ZNF749: variants seen among roughly 807,000 people sequenced by gnomAD.
ZNF749 encodes zinc finger protein 749.
A neutral mutation model predicts 7.3 loss-of-function variants in ZNF749; 8 were observed. The ratio of observed to expected loss-of-function variants is 1.10; its 90% CI spans 0.64 to 1.98. ZNF749 has a LOEUF of 1.98. ZNF749 is among the 30% of genes most tolerant of loss of function. The pLI is 0.00. For synonymous variants in ZNF749, 310 were observed against 322.4 expected (o/e 0.96, Z 0.41); for missense variants, 898 against 932.4 (o/e 0.96, Z 0.48).
chr19:57,444,419 ATGT>A lies in ZNF749; in HGVS notation c.1276_1278del (p.Val426del), dbSNP rs767101501. 1 of 1,614,030 alleles carries A rather than the reference ATGT, an allele frequency of 6.2e-7. No individual in the cohort carries two copies. The highest frequency in any genetic ancestry group is 2.2e-5 in the East Asian group (1 of 44,870). On this transcript the variant is annotated inframe_deletion, in exon 3 of 3. Coordinates refer to ENST00000334181, the MANE Select transcript of ZNF749 (RefSeq NM_001023561.4). ...GGGAAAGCCTTTAGCCTCAAACATA[ATGT>A]TGTTCAGCATCTGAAAATTCATACT... is the stretch of plus-strand genomic sequence containing the variant.
intron 1 of ZNF749, 22 bp downstream of exon 1, chr19:57,435,615 G>A (rs1226198430): frequency 1.2e-6 from 2 of 1,600,056 alleles, no homozygotes; most frequent in South Asian, 1.1e-5. Context: ...GTCCCAGGCC[G>A]CCCCGCCCAA....
chr19:57,435,712 T>G, intron 1 of ZNF749, 119 bp downstream of exon 1: 1 of 1,480,758 alleles, frequency 6.8e-7, no homozygotes, highest in Non-Finnish European at 9.0e-7. Context: ...TTGTGTGGGG[T>G]GCCCGGGACT....
Position 57,444,568 on chromosome 19 carries a change from A to T in ZNF749, c.1420A>T (p.Lys474Ter), listed in dbSNP as rs201674152. ...AAAAAGGTCTGACCTCATTCAACAC[A>T]AGAGGATTGACATTAGGCCAAGGCC... ...FSKRSDLIQHKRIDIRPRPYT... is the reference protein window; with the variant it reads ...FSKRSDLIQH The change falls in exon 3 of 3, where the codon AAG (lysine) becomes TAG (stop). Residue 474 changes from lysine to a stop codon, truncating the protein, a stop_gained. Coordinates refer to ENST00000334181, the MANE Select transcript of ZNF749 (RefSeq NM_001023561.4). LOFTEE classifies it low-confidence loss of function (END_TRUNC). 1 of 1,613,344 alleles carries T rather than the reference A, an allele frequency of 6.2e-7. No homozygotes were observed. Among genetic ancestry groups the T allele is most frequent in the Non-Finnish European group, 8.5e-7 (1 of 1,179,844 alleles).
Position 57,441,902 on chromosome 19 carries a change from G to T in ZNF749, c.33G>T (p.Glu11Asp). ...TTTGGCAGGATTGTATGGTCTTTGA[G>T]GATGTGGCCATATATTTCTCCCAAG... MNLTEDCMVFEDVAIYFSQEE... is the reference protein window; with the variant it reads MNLTEDCMVFDDVAIYFSQEE... The change falls in exon 2 of 3, where the codon GAG (glutamate) becomes GAT (aspartate). Residue 11 changes from glutamate (E) to aspartate (D), a missense_variant. By Grantham distance (45) the Glu-to-Asp change is conservative. Coordinates refer to ENST00000334181, the MANE Select transcript of ZNF749 (RefSeq NM_001023561.4). 1 of 1,614,168 alleles carries T rather than the reference G, an allele frequency of 6.2e-7. No individual in the cohort carries two copies. The highest frequency in any genetic ancestry group is 2.2e-5 in the East Asian group (1 of 44,886).
At chr19:57,430,830 A>G (rs972329205), upstream of ZNF749, among the ~76,000 whole-genome samples, 2 of 152,110 alleles carry the variant, frequency 1.3e-5, no homozygotes, top group Non-Finnish European at 2.9e-5. Flanking sequence ...TCACGAGGTC[A>G]GGAGATTGAG....
At chr19:57,435,080 C>T (rs1311367562), upstream of ZNF749, among the ~76,000 whole-genome samples, 1 of 152,182 alleles carries the variant, frequency 6.6e-6, no homozygotes, top group Non-Finnish European at 1.5e-5. Flanking sequence ...TTAAGAGCCC[C>T]GGAACTGCAT....
At position 57,439,174 on chromosome 19, in the gene ZNF749, C is replaced by T. The variant is rs921535959; in HGVS notation, c.16-2711C>T. ...GCAGGTGAGGGTGGAGCCACCGATACCTGGGTGATGGGTCCAGCAACAGCC... is the reference window on the plus strand; with the variant it reads ...GCAGGTGAGGGTGGAGCCACCGATATCTGGGTGATGGGTCCAGCAACAGCC... On this transcript the variant is annotated intron_variant, in intron 1 of 2. Transcript: ENST00000334181. The surrounding 1 kb of genome is among the most constrained non-coding windows in gnomAD (Gnocchi z 4.3). Among the ~76,000 whole-genome samples the T allele has an allele frequency of 9.9e-5, 15 of 152,216 alleles. No homozygotes were observed. The highest frequency in any genetic ancestry group is 2.1e-4 in the Non-Finnish European group (14 of 68,024).
In ZNF749 at chr19:57,445,548, G is replaced by A. The variant is rs935817771; in HGVS notation, c.*63G>A. On this transcript the variant is annotated 3_prime_UTR_variant, in exon 3 of 3. Transcript: ENST00000334181. ...CATTCAGCACCAAAAGGTTCACATC[G>A]GACCAAGAACCTATTAATATATGTA... The A allele has an allele frequency of 2.3e-5, 35 of 1,533,254 alleles. No homozygotes were observed. The highest frequency in any genetic ancestry group is 5.6e-5 in the African/African-American group (4 of 72,022). 95.0% of individuals were successfully genotyped at this position (1,533,254 alleles called of 1,614,324 possible).
Position 57,444,743 on chromosome 19 carries a change from T to A in ZNF749, c.1595T>A (p.Ile532Asn), listed in dbSNP as rs755211981. 1.1e-5 allele frequency: 18 copies of A among 1,613,142 alleles called. No individual in the cohort carries two copies. The highest frequency in any genetic ancestry group is 1.5e-5 in the Non-Finnish European group (18 of 1,179,800). ...TCCCACCTAGTTCAGCATGAGAAAATCCACACTGATGCATTTTCAAAAAGG... is the reference window on the plus strand; with the variant it reads ...TCCCACCTAGTTCAGCATGAGAAAAACCACACTGATGCATTTTCAAAAAGG... ...RKSHLVQHEK[I>N]HTDAFSKRSD... is the part of the protein sequence containing the mutation. The change falls in exon 3 of 3, where the codon ATC (isoleucine) becomes AAC (asparagine). Residue 532 changes from isoleucine (I) to asparagine (N), a missense_variant. Ile to Asn is a moderately radical substitution (Grantham distance 149, BLOSUM62 -3). Coordinates refer to ENST00000334181, the MANE Select transcript of ZNF749 (RefSeq NM_001023561.4).
At chr19:57,435,658 C>G in intron 1 of ZNF749, 65 bp downstream of exon 1, 1 of 1,572,302 alleles carries the variant, frequency 6.4e-7, no homozygotes, top group South Asian at 1.2e-5. Flanking sequence ...CCCAAGGAGC[C>G]GCCCTGCAGG....
At position 57,445,311 on chromosome 19, in the gene ZNF749, A is replaced by C; in HGVS notation, c.2163A>C (p.Glu721Asp). Reference protein sequence around the residue: ...LIIHQQSHTGESPFKLRECGK... With the variant: ...LIIHQQSHTGDSPFKLRECGK... Reference sequence around the variant, plus strand: ...TACATCAGCAGTCTCACACTGGAGAAAGTCCTTTTAAGTTAAGGGAATGTG... The same window carrying C: ...TACATCAGCAGTCTCACACTGGAGACAGTCCTTTTAAGTTAAGGGAATGTG... The change falls in exon 3 of 3, where the codon GAA becomes GAC. Residue 721 changes from glutamate to aspartate, a missense_variant. Physicochemically the swap from Glu to Asp is conservative, Grantham distance 45. Coordinates refer to ENST00000334181, the MANE Select transcript of ZNF749 (RefSeq NM_001023561.4). The C allele has an allele frequency of 6.2e-7, 1 of 1,613,952 alleles. No individual in the cohort carries two copies.
chr19:57,429,437 AATTGCTGGATCAC>A, the ZNF749 span, among the ~76,000 whole-genome samples: 1 of 152,098 alleles, frequency 6.6e-6, no homozygotes, highest in Non-Finnish European at 1.5e-5. This position sits in a 1 kb window ranked among gnomAD's most constrained non-coding sequence, Gnocchi z 4.2. Flanking sequence ...CCAGAAGTAA[AATTGCTGGATCAC>A]ATATAATTCT....
At position 57,437,831 on chromosome 19, in the gene ZNF749, A is replaced by G. The variant is rs937345551; in HGVS notation, c.15+2238A>G. The G allele has an allele frequency of 1.3e-5, 5 of 377,406 alleles. No homozygotes were observed. In the South Asian group the frequency reaches 5.9e-4, roughly 44 times the overall value. The allele number at this position is 377,406 out of a possible 1,614,324, so 23.4% of individuals were successfully genotyped here. A position where few individuals can be genotyped will look rare whatever the true frequency, so the allele number is the denominator to read the frequency against. ...ATCCTATAGAAAGTAATGCTTATAC[A>G]TAGTGTGTACTACTTATGCTTCTTG... On this transcript the variant is annotated intron_variant, in intron 1 of 2. Coordinates refer to ENST00000334181, the MANE Select transcript of ZNF749 (RefSeq NM_001023561.4).
In ZNF749 at chr19:57,446,808, A is replaced by G. The variant is rs1600108677; in HGVS notation, c.*1323A>G. Among the ~76,000 whole-genome samples, 1 of 152,236 alleles carries G rather than the reference A, an allele frequency of 6.6e-6. No individual in the cohort carries two copies. Among genetic ancestry groups the G allele is most frequent in the South Asian group, 2.1e-4 (1 of 4,830 alleles). On this transcript the variant is annotated 3_prime_UTR_variant, in exon 3 of 3. Transcript: ENST00000334181. Reference sequence around the variant, plus strand: ...GATATAAACCTTAACAGCATGTTACAGTATTGAATATTGTAGGTAATTGAA... The same window carrying G: ...GATATAAACCTTAACAGCATGTTACGGTATTGAATATTGTAGGTAATTGAA...
chr19:57,432,302 G>A (rs184673775), upstream of ZNF749, among the ~76,000 whole-genome samples: 12 of 150,978 alleles, frequency 7.9e-5, no homozygotes, highest in East Asian at 2.0e-3. Flanking sequence ...GAGGCGGGGC[G>A]CGGTGGCTCA....
rs929274399 is a variant in ZNF749, at chr19:57,436,215, C to A, written c.15+622C>A. The stretch of plus-strand genomic sequence containing the variant: ...GAATTAGAGATATCAGCTTAAGGAG[C>A]GGGTTTCAGACAGAAGATCCTGGGT... On this transcript the variant is annotated intron_variant, in intron 1 of 2. Coordinates refer to ENST00000334181, the MANE Select transcript of ZNF749 (RefSeq NM_001023561.4). This position sits in a 1 kb window ranked among gnomAD's most constrained non-coding sequence, Gnocchi z 4.0. Among the ~76,000 whole-genome samples, 1 of 152,054 alleles carries A rather than the reference C, an allele frequency of 6.6e-6. No homozygotes were observed. Among genetic ancestry groups the A allele is most frequent in the East Asian group, 1.9e-4 (1 of 5,184 alleles).
chr19:57,442,082 T>C lies in ZNF749; in HGVS notation c.142+71T>C. ...TTTTTGCTCTTTTCCATGACAACTC[T>C]GTCTTTCCCACACCAGATTGTGAGT... On this transcript the variant is annotated intron_variant, in intron 2 of 2. Coordinates refer to ENST00000334181, the MANE Select transcript of ZNF749 (RefSeq NM_001023561.4). The surrounding 1 kb of genome is among the most constrained non-coding windows in gnomAD (Gnocchi z 6.6). 6.4e-7 allele frequency: 1 copy of C among 1,572,412 alleles called. No individual in the cohort carries two copies. The highest frequency in any genetic ancestry group is 8.6e-7 in the Non-Finnish European group (1 of 1,156,278).
Position 57,445,371 on chromosome 19 carries a change from C to T in ZNF749, c.2223C>T (p.Arg741=), listed in dbSNP as rs2123111345. Residue 741 remains arginine, a synonymous_variant, in exon 3 of 3, where the codon CGC becomes CGT. Transcript: ENST00000334181. ...KDFNKCNTGQ[R]QKTHTGERSY... ...TCAACAAATGTAATACTGGTCAGCG[C>T]CAAAAAACTCACACTGGAGAAAGGT... The T allele has an allele frequency of 6.2e-7, 1 of 1,613,150 alleles. No individual in the cohort carries two copies. The highest frequency in any genetic ancestry group is 8.5e-7 in the Non-Finnish European group (1 of 1,179,616).
At chr19:57,433,711 G>T (rs908279589), upstream of ZNF749, among the ~76,000 whole-genome samples, 3 of 151,636 alleles carry the variant, frequency 2.0e-5, no homozygotes, top group East Asian at 5.8e-4. Context: ...AAGAGAATGG[G>T]TTTTAATTTT....
Sources: gnomAD v4.1 joint callset for allele counts (sites outside exome capture counted in the v4.1 genomes callset) on GRCh38, gnomAD v4.1.1 for gene constraint, Gnocchi (gnomAD v3.1) non-coding constraint, MANE v1.5 for transcripts, NCBI Gene and HGNC (gene_info 2026-07-23, HGNC 2026-07-21) for gene names.